The following CLIP2 variants were observed in gnomAD, a reference collection of about 807,000 sequenced individuals.
CLIP2 encodes CAP-Gly domain containing linker protein 2, also known as CAP-Gly domain-containing linker protein 2.
In CLIP2, 41 loss-of-function variants were observed where a neutral mutation model predicts 111.7. That is an observed-to-expected ratio of 0.37 (90% CI 0.29 to 0.48). The LOEUF (loss-of-function observed/expected upper bound fraction) is 0.48. Ranked by LOEUF, CLIP2 falls within the 20% of genes least tolerant of loss-of-function variation. The pLI, the probability that CLIP2 is intolerant of heterozygous loss-of-function variation, is 0.99. For synonymous variants in CLIP2, 660 were observed against 644.2 expected (o/e 1.02, Z -0.37); for missense variants, 1,160 against 1,422.1 (o/e 0.82, Z 2.96).
intron 1 of CLIP2, among the ~76,000 whole-genome samples, chr7:74,312,035 C>T (rs1788654329): frequency 6.6e-6 from 1 of 151,916 alleles, no homozygotes; most frequent in Non-Finnish European, 1.5e-5. Flanking sequence ...CATTTGAGGT[C>T]AAGAGTTCAA....
At chr7:74,331,562 C>CTTTTTT (rs1213774851) in intron 2 of CLIP2, among the ~76,000 whole-genome samples, 27 of 120,670 alleles carry the variant, frequency 2.2e-4, no homozygotes, top group African/African-American at 4.0e-4. Flanking sequence ...TTCTTTCTTT[C>CTTTTTT]TTTTTTTTTT....
At chr7:74,343,660 A>G (rs1400896436) in intron 3 of CLIP2, among the ~76,000 whole-genome samples, 1 of 151,722 alleles carries the variant, frequency 6.6e-6, no homozygotes, top group African/African-American at 2.4e-5. Context: ...TGGGAGGCCA[A>G]GGCAGGCGGA....
At chr7:74,335,672 TTCCTTGC>T (rs1789429413) in intron 2 of CLIP2, among the ~76,000 whole-genome samples, 1 of 133,890 alleles carries the variant, frequency 7.5e-6, no homozygotes, top group South Asian at 2.2e-4. Context: ...CCTTCCTTCC[TTCCTTGC>T]TTCCTTCCTT....
Position 74,289,436 on chromosome 7 carries a change from T to C in CLIP2, c.-366T>C, listed in dbSNP as rs1450858537. ...TTGTTCCCTCCCGGAGCCGGGCCGC[T>C]GGCTCCGCTGGCTCCGCTGGCTCCG... is the stretch of plus-strand genomic sequence containing the variant. On this transcript the variant is annotated 5_prime_UTR_variant, in exon 1 of 17. Coordinates refer to ENST00000223398, the MANE Select transcript of CLIP2 (RefSeq NM_003388.5). The C allele has an allele frequency of 6.7e-6, 1 of 148,272 alleles. No homozygotes were observed. Among genetic ancestry groups the C allele is most frequent in the Non-Finnish European group, 1.5e-5 (1 of 66,844 alleles). The allele number at this position is 148,272 out of a possible 1,614,324, so 9.2% of individuals were successfully genotyped here.
At chr7:74,390,217 G>GAAAGAAAGAAAGAA (rs1791258888) in intron 13 of CLIP2, among the ~76,000 whole-genome samples, 1 of 86,530 alleles carries the variant, frequency 1.2e-5, no homozygotes, top group Non-Finnish European at 2.7e-5. Context: ...AAGAAAGAAA[G>GAAAGAAAGAAAGAA]AAAGAAAGGA....
intron 1 of CLIP2, among the ~76,000 whole-genome samples, chr7:74,310,776 A>G (rs113934413): frequency 0.017 from 2,549 of 151,866 alleles, 69 homozygotes; most frequent in African/African-American, 0.055. Context: ...CAGTGGCACA[A>G]TCTTGGCTCA....
intron 1 of CLIP2, among the ~76,000 whole-genome samples, chr7:74,305,826 C>T (rs986933260): frequency 6.6e-6 from 1 of 150,700 alleles, no homozygotes; most frequent in African/African-American, 2.5e-5. Flanking sequence ...TCTCAGCAGC[C>T]CCCAGCTGGC....
chr7:74,389,212 C>T lies in CLIP2; in HGVS notation c.2673C>T (p.Ala891=). The change falls in exon 13 of 17, where the codon GCC becomes GCT. Residue 891 remains alanine (A), a synonymous_variant. Transcript: ENST00000223398. ...CCGTGTCCCGGAAGACCCATGACGC[C>T]TCGGGCCAGCTAGTCCTCATCAGCC... ...LETVSRKTHD[A]SGQLVLISQE... is the part of the protein sequence containing the mutation. 6.2e-7 allele frequency: 1 copy of T among 1,612,138 alleles called. No individual in the cohort carries two copies. Among genetic ancestry groups the T allele is most frequent in the South Asian group, 1.1e-5 (1 of 90,846 alleles).
chr7:74,378,031 G>A (rs1384350013), intron 10 of CLIP2, among the ~76,000 whole-genome samples: 1 of 152,118 alleles, frequency 6.6e-6, no homozygotes, highest in Non-Finnish European at 1.5e-5. Context: ...TCGCCAGGTA[G>A]TCCAGGCTGG....
intron 13 of CLIP2, among the ~76,000 whole-genome samples, chr7:74,394,033 C>G (rs1554316291): frequency 6.6e-6 from 1 of 152,108 alleles, no homozygotes; most frequent in East Asian, 1.9e-4. Context: ...GCAGGATGCC[C>G]CTCCGCTGAG....
Position 74,321,312 on chromosome 7 carries a change from C to CA in CLIP2, c.121+3646dup, listed in dbSNP as rs1788945619. On this transcript the variant is annotated intron_variant, in intron 2 of 16. Transcript: ENST00000223398. ...CTTCCCCCTTACCACTTAACCTCAT[C>CA]ACTGCACAGCCTAACCAGGATTCCG... Among the ~76,000 whole-genome samples the CA allele has an allele frequency of 2.0e-5, 3 of 152,278 alleles. No homozygotes were observed. The South Asian group carries it at 6.2e-4, about 32-fold the overall frequency.
intron 8 of CLIP2, among the ~76,000 whole-genome samples, chr7:74,370,459 A>G (rs1790586057): frequency 6.6e-6 from 1 of 151,850 alleles, no homozygotes; most frequent in African/African-American, 2.4e-5. Flanking sequence ...CCGTCTCAAA[A>G]AAAAAAAAAA....
At chr7:74,332,107 T>C (rs1474209060) in intron 2 of CLIP2, among the ~76,000 whole-genome samples, 1 of 151,982 alleles carries the variant, frequency 6.6e-6, no homozygotes, top group Non-Finnish European at 1.5e-5. Flanking sequence ...GGAGTTTTGC[T>C]CTTTTGCCCA....
Position 74,376,253 on chromosome 7 carries a change from G to C in CLIP2, c.1852G>C (p.Asp618His). 6.2e-7 allele frequency: 1 copy of C among 1,612,698 alleles called. No individual in the cohort carries two copies. The highest frequency in any genetic ancestry group is 1.3e-5 in the African/African-American group (1 of 74,964). Residue 618 changes from aspartate (D) to histidine (H), a missense_variant, in exon 10 of 17, where the codon GAC becomes CAC. Around this residue, in one of 5 missense-constraint regions of CLIP2, gnomAD observed 676 missense variants for 777.8 expected, o/e 0.87. Transcript: ENST00000223398. The surrounding 1 kb of genome is among the most constrained non-coding windows in gnomAD (Gnocchi z 7.1). ...GLMDNWKSKL[D>H]SLASDHQKSL... is the part of the protein sequence containing the mutation. ...AATGGACAACTGGAAATCCAAGCTG[G>C]ACTCGCTGGCCTCGGACCACCAGAA...
rs1179318533 is a variant in CLIP2 at position 74,365,929 on chromosome 7, T to A, written c.1380+1614T>A. On this transcript the variant is annotated intron_variant, in intron 8 of 16. Transcript: ENST00000223398. The stretch of plus-strand genomic sequence containing the variant: ...CCACCACACCCAGCTAATTTTTGTA[T>A]TTTTTTTTGTAGAGGCTGGGTCTCA... Among the ~76,000 whole-genome samples, 26 of 147,982 alleles carry A rather than the reference T, an allele frequency of 1.8e-4. 1 individual carries two copies. Among genetic ancestry groups the A allele is most frequent in the Admixed American group, 1.7e-3 (26 of 15,010 alleles).
chr7:74,387,408 C>T (rs559420569), intron 12 of CLIP2, among the ~76,000 whole-genome samples: 19 of 152,106 alleles, frequency 1.2e-4, no homozygotes, highest in Non-Finnish European at 1.9e-4. Flanking sequence ...ACCACCACAC[C>T]CGGCTAATTT....
intron 2 of CLIP2, among the ~76,000 whole-genome samples, chr7:74,331,822 G>A (rs1303251616): frequency 3.3e-5 from 5 of 151,962 alleles, no homozygotes; most frequent in Middle Eastern, 3.4e-3. Flanking sequence ...TAATCCACCC[G>A]CCTCAGTCTC....
chr7:74,370,666 A>G (rs753621523), intron 8 of CLIP2, among the ~76,000 whole-genome samples: 13 of 145,642 alleles, frequency 8.9e-5, no homozygotes, highest in Non-Finnish European at 1.6e-4. Flanking sequence ...GTTATCATAC[A>G]CCAGGCTTTT....
intron 1 of CLIP2, among the ~76,000 whole-genome samples, chr7:74,313,235 G>A (rs1788686948): frequency 6.6e-6 from 1 of 151,908 alleles, no homozygotes; most frequent in Non-Finnish European, 1.5e-5. Context: ...AGCCTGGGAG[G>A]TTGAGGCTGC....
Sources: gnomAD v4.1 joint callset for allele counts (sites outside exome capture counted in the v4.1 genomes callset) on GRCh38, gnomAD v4.1.1 for gene constraint, gnomAD v4.1.1 regional missense constraint, Gnocchi (gnomAD v3.1) non-coding constraint, MANE v1.5 for transcripts, NCBI Gene and HGNC (gene_info 2026-07-23, HGNC 2026-07-21) for gene names.